The following GALNT2 variants were observed in gnomAD, a reference collection of about 807,000 sequenced individuals.
The protein encoded by GALNT2 is UDP-GalNAc:polypeptide N-acetylgalactosaminyltransferase 2.
GALNT2 carries 31 observed loss-of-function variants against 81.4 expected under a neutral mutation model. The observed-to-expected ratio is 0.38, with a 90% CI of 0.29 to 0.51. The LOEUF (loss-of-function observed/expected upper bound fraction) is 0.51, where lower values mean the gene tolerates loss of function less well. Among genes scored for constraint, GALNT2 ranks in the 20% least tolerant of loss-of-function variants. The pLI, the probability that GALNT2 is intolerant of heterozygous loss-of-function variation, is 0.87. For synonymous variants in GALNT2, 303 were observed against 287.4 expected, an observed-to-expected ratio of 1.05 and a Z score of -0.55; for missense variants, 629 against 765.7, an observed-to-expected ratio of 0.82 and a Z score of 2.11.
chr1:230,132,988 C>T (rs1327834656), intron 1 of GALNT2, among the ~76,000 whole-genome samples: 3 of 152,218 alleles, frequency 2.0e-5, no homozygotes, highest in African/African-American at 7.2e-5. Flanking sequence ...TAAGCATCCC[C>T]ACCACGGTGC....
chr1:230,115,688 T>C (rs538038314), intron 1 of GALNT2, among the ~76,000 whole-genome samples: 2 of 152,350 alleles, frequency 1.3e-5, no homozygotes, highest in African/African-American at 4.8e-5. Context: ...ATTTGCCACA[T>C]TGATGGACTC....
intron 4 of GALNT2, 43 bp from the exon 5 acceptor site, chr1:230,236,310 C>A (rs2102736054): frequency 1.9e-6 from 3 of 1,576,684 alleles, no homozygotes; most frequent in East Asian, 4.5e-5. Flanking sequence ...AAAGTTTATA[C>A]CCCTAAAAGA....
rs180677324 is a variant in GALNT2, at chr1:230,129,182, A to G, written c.127-49036A>G. On this transcript the variant is annotated intron_variant, in intron 1 of 15. Coordinates refer to ENST00000366672, the MANE Select transcript of GALNT2 (RefSeq NM_004481.5). The stretch of plus-strand genomic sequence containing the variant: ...TAGCAAAACTTGTCTCTTGCTCAAA[A>G]TAGATTGTGTTGCCAGGATTCAAAG... 1.4e-3 allele frequency among the ~76,000 whole-genome samples: 218 copies of G among 152,370 alleles called. 1 individual carries two copies. Among genetic ancestry groups the G allele is most frequent in the Non-Finnish European group, 2.5e-3 (172 of 68,034 alleles).
intron 1 of GALNT2, among the ~76,000 whole-genome samples, chr1:230,170,676 A>T (rs1192382147): frequency 6.6e-6 from 1 of 152,214 alleles, no homozygotes; most frequent in Non-Finnish European, 1.5e-5. Context: ...ATGGCAACAG[A>T]ATCTGCTTCT....
intron 1 of GALNT2, among the ~76,000 whole-genome samples, chr1:230,126,698 G>A (rs1223245769): frequency 6.6e-6 from 1 of 152,180 alleles, no homozygotes; most frequent in Non-Finnish European, 1.5e-5. Context: ...TGTCAATGTT[G>A]ACAAAATCTA....
intron 1 of GALNT2, among the ~76,000 whole-genome samples, chr1:230,111,039 T>C (rs1340869739): frequency 6.6e-6 from 1 of 152,236 alleles, no homozygotes; most frequent in East Asian, 1.9e-4. Flanking sequence ...GTATATATAC[T>C]GTGCATGCAT....
chr1:230,092,185 T>TGTGTTTTTTTTTTG (rs371156205), intron 1 of GALNT2, among the ~76,000 whole-genome samples: 2 of 114,284 alleles, frequency 1.8e-5, no homozygotes, highest in South Asian at 6.0e-4. Flanking sequence ...AGTTTTTTTT[T>TGTGTTTTTTTTTTG]TTTTTTTTTT....
chr1:230,262,667 T>C lies in GALNT2; in HGVS notation c.1229+2T>C. On this transcript the variant is annotated splice_donor_variant, in intron 12 of 15. Transcript: ENST00000366672. LOFTEE classifies it high-confidence loss of function. The stretch of plus-strand genomic sequence containing the variant: ...TGCTAGAAACGTTCCTTATGGAAAG[T>C]AAGTGGCAGTTCTGCCTTCTCACAA... The C allele has an allele frequency of 6.2e-7, 1 of 1,610,860 alleles. No individual in the cohort carries two copies. Among genetic ancestry groups the C allele is most frequent in the Non-Finnish European group, 8.5e-7 (1 of 1,177,530 alleles).
At chr1:230,085,669 G>A (rs1345996949) in intron 1 of GALNT2, among the ~76,000 whole-genome samples, 1 of 152,218 alleles carries the variant, frequency 6.6e-6, no homozygotes, top group East Asian at 1.9e-4. Context: ...GGTAATGTTT[G>A]TGATTGTCTA....
chr1:230,163,776 G>A (rs1662511898), intron 1 of GALNT2, among the ~76,000 whole-genome samples: 1 of 152,240 alleles, frequency 6.6e-6, no homozygotes, highest in African/African-American at 2.4e-5. Context: ...TTGGACCAGG[G>A]AAGCTAAGAG....
At chr1:230,236,247 C>T in intron 4 of GALNT2, 106 bp from the exon 5 acceptor site, 22 of 1,360,406 alleles carry the variant, frequency 1.6e-5, no homozygotes, top group Non-Finnish European at 2.3e-5. Context: ...CAGTGTGTAG[C>T]TCCTCCAACC....
Position 230,243,976 on chromosome 1 carries a change from C to T in GALNT2, c.729+549C>T, listed in dbSNP as rs1201715534. Reference sequence around the variant, plus strand: ...CAGAGGGTGATCCGCGGCTCCACTTCTGCACCTTCTGCTTTCTAGAAACAT... The same window carrying T: ...CAGAGGGTGATCCGCGGCTCCACTTTTGCACCTTCTGCTTTCTAGAAACAT... On this transcript the variant is annotated intron_variant, in intron 7 of 15. Coordinates refer to ENST00000366672, the MANE Select transcript of GALNT2 (RefSeq NM_004481.5). The surrounding 1 kb of genome is among the most constrained non-coding windows in gnomAD (Gnocchi z 4.2). 6.6e-6 allele frequency among the ~76,000 whole-genome samples: 1 copy of T among 152,032 alleles called. No individual in the cohort carries two copies. Among genetic ancestry groups the T allele is most frequent in the Non-Finnish European group, 1.5e-5 (1 of 68,016 alleles).
chr1:230,228,774 C>A (rs1419127616), intron 3 of GALNT2, among the ~76,000 whole-genome samples: 2 of 151,966 alleles, frequency 1.3e-5, no homozygotes, highest in African/African-American at 2.4e-5. Context: ...ATATTTGTGA[C>A]CATTTGATTT....
intron 2 of GALNT2, among the ~76,000 whole-genome samples, chr1:230,182,195 GT>G (rs1012179176): frequency 5.3e-4 from 30 of 56,350 alleles, no homozygotes; most frequent in East Asian, 1.9e-3. Context: ...TTTTGTTTTT[GT>G]TTTTTTCTGT....
chr1:230,203,062 CACTT>C (rs1663950806), intron 2 of GALNT2, 71 bp from the exon 3 acceptor site: 30 of 1,478,482 alleles, frequency 2.0e-5, no homozygotes, highest in Non-Finnish European at 2.7e-5. Flanking sequence ...CTGGAGTTAA[CACTT>C]ACTGCAGTCT....
intron 3 of GALNT2, among the ~76,000 whole-genome samples, chr1:230,206,312 C>T (rs577000879): frequency 2.0e-5 from 3 of 152,038 alleles, no homozygotes; most frequent in East Asian, 1.9e-4. Flanking sequence ...TGAGTTTGTC[C>T]AAACAGATGT....
At chr1:230,138,053 C>G (rs191591156) in intron 1 of GALNT2, among the ~76,000 whole-genome samples, 1 of 152,140 alleles carries the variant, frequency 6.6e-6, no homozygotes, top group African/African-American at 2.4e-5. Context: ...CCTTGCATGT[C>G]GTTGCGTGCG....
At chr1:230,091,232 A>AT (rs1195009077) in intron 1 of GALNT2, among the ~76,000 whole-genome samples, 11 of 126,586 alleles carry the variant, frequency 8.7e-5, no homozygotes, top group South Asian at 2.7e-4. Flanking sequence ...CCACATACTA[A>AT]TTTTTTGTAT....
In GALNT2 at chr1:230,101,406, G is replaced by A. The variant is rs539423402; in HGVS notation, c.126+34000G>A. ...TGCCCAGCTCCTGTCGGATGCCCCC[G>A]TGTTCTGGTCACTCGTGTGCCCGTC... is the stretch of plus-strand genomic sequence containing the variant. On this transcript the variant is annotated intron_variant, in intron 1 of 15. Coordinates refer to ENST00000366672, the MANE Select transcript of GALNT2 (RefSeq NM_004481.5). 7.9e-5 allele frequency among the ~76,000 whole-genome samples: 12 copies of A among 152,318 alleles called. No individual in the cohort carries two copies. The South Asian group carries it at 8.3e-4, about 11-fold the overall frequency.
Sources: gnomAD v4.1 joint callset for allele counts (sites outside exome capture counted in the v4.1 genomes callset) on GRCh38, gnomAD v4.1.1 for gene constraint, Gnocchi (gnomAD v3.1) non-coding constraint, MANE v1.5 for transcripts, NCBI Gene and HGNC (gene_info 2026-07-23, HGNC 2026-07-21) for gene names.